Variants in OPA1 observed in about 807,000 individuals in gnomAD.
OPA1 encodes the protein dynamin-like GTPase OPA1, mitochondrial.
OPA1 carries 59 observed loss-of-function variants against 152.9 expected under a neutral mutation model. The observed-to-expected ratio is 0.39, with a 90% CI of 0.31 to 0.48. The LOEUF (loss-of-function observed/expected upper bound fraction) is 0.48. Ranked by LOEUF, OPA1 falls within the 20% of genes least tolerant of loss-of-function variation. The pLI, the probability that OPA1 is intolerant of heterozygous loss-of-function variation, is 0.96. For missense variants in OPA1, 1,008 were observed against 1,216.8 expected, an observed-to-expected ratio of 0.83 and a Z score of 2.55; for synonymous variants, 400 against 389.9, an observed-to-expected ratio of 1.03 and a Z score of -0.31.
chr3:193,650,779 G>A (rs960589478), intron 21 of OPA1, among the ~76,000 whole-genome samples: 4 of 152,102 alleles, frequency 2.6e-5, no homozygotes, highest in African/African-American at 9.7e-5. Flanking sequence ...TTTCAAGAGT[G>A]AATCACTGAC....
chr3:193,692,498 ATATT>A (rs980186588), intron 30 of OPA1, among the ~76,000 whole-genome samples: 5 of 152,194 alleles, frequency 3.3e-5, no homozygotes, highest in Non-Finnish European at 7.3e-5. Context: ...TGTATGTTAA[ATATT>A]TAACTTAGAA....
intron 29 of OPA1, among the ~76,000 whole-genome samples, chr3:193,685,317 T>C (rs1256115230): frequency 2.0e-5 from 3 of 151,714 alleles, no homozygotes; most frequent in Non-Finnish European, 4.4e-5. Flanking sequence ...AAAAAAAAGC[T>C]GAATTTATCA....
chr3:193,675,336 A>C (rs1271479002), intron 29 of OPA1, among the ~76,000 whole-genome samples: 4 of 121,548 alleles, frequency 3.3e-5, no homozygotes, highest in Admixed American at 1.6e-4. Context: ...AGAAAAAAAA[A>C]AAAAAAAAAA....
rs1436377466 is a variant in OPA1, at chr3:193,637,284, A to G, written c.1035+3A>G. ...ATACGCAAGATCATCTGCCACGGGT[A>G]TGTGAAAAATTGATAGTGAACTTGC... is the stretch of plus-strand genomic sequence containing the variant. On this transcript the variant is annotated splice_donor_region_variant and intron_variant, in intron 10 of 30. Coordinates refer to ENST00000361510, the MANE Select transcript of OPA1 (RefSeq NM_130837.3). 1.8e-5 allele frequency: 28 copies of G among 1,594,278 alleles called. No individual in the cohort carries two copies. The highest frequency in any genetic ancestry group is 2.2e-5 in the Non-Finnish European group (26 of 1,163,560).
chr3:193,686,152 C>A (rs910355849), intron 29 of OPA1, among the ~76,000 whole-genome samples: 8 of 152,206 alleles, frequency 5.3e-5, no homozygotes, highest in Admixed American at 4.6e-4. Flanking sequence ...GTTAGAAATA[C>A]AACCACCAGT....
intron 26 of OPA1, 71 bp from the exon 27 acceptor site, chr3:193,664,809 C>A: frequency 1.2e-6 from 1 of 850,350 alleles, no homozygotes. Context: ...AATTTTTGTA[C>A]AACTTCTCAG....
At chr3:193,654,734 C>A in intron 21 of OPA1, 128 bp from the exon 22 acceptor site, 2 of 927,550 alleles carry the variant, frequency 2.2e-6, no homozygotes, top group Middle Eastern at 3.0e-4. Context: ...CAGGTATATA[C>A]ACATGTGAAA....
At chr3:193,677,249 T>C (rs931170281) in intron 29 of OPA1, among the ~76,000 whole-genome samples, 6 of 151,100 alleles carry the variant, frequency 4.0e-5, no homozygotes, top group African/African-American at 1.5e-4. Context: ...ATACTCTTAA[T>C]GTATTCAAAA....
rs11398485 is a variant in OPA1 at position 193,690,190 on chromosome 3, A to ATT, written c.2984-1863_2984-1862dup. ...CTCAACTTCTAGGAGATGGGTTAGG[A>ATT]TTTTTTTTTTTAAGTTTCTCTAGTT... On this transcript the variant is annotated intron_variant, in intron 29 of 30. Transcript: ENST00000361510. 3.6e-3 allele frequency among the ~76,000 whole-genome samples: 544 copies of ATT among 149,606 alleles called. 6 individuals carry two copies. Among genetic ancestry groups the ATT allele is most frequent in the African/African-American group, 0.013 (521 of 40,724 alleles).
At chr3:193,628,640 A>T (rs1181380895) in intron 7 of OPA1, 1 of 152,178 alleles carries the variant, frequency 6.6e-6, no homozygotes, top group Non-Finnish European at 1.5e-5. Flanking sequence ...TTATTTCATG[A>T]TGCAAACAAT....
At chr3:193,594,510 C>T (rs2108762311) in intron 1 of OPA1, among the ~76,000 whole-genome samples, 1 of 152,322 alleles carries the variant, frequency 6.6e-6, no homozygotes, top group East Asian at 1.9e-4. Flanking sequence ...GTCTCCGCCT[C>T]CGGAGTAGCT....
rs201196033 is a variant in OPA1, at chr3:193,665,750, GT to G, written c.2779-538del. 1.9e-3 allele frequency among the ~76,000 whole-genome samples: 282 copies of G among 151,850 alleles called. 1 individual carries two copies. The highest frequency in any genetic ancestry group is 3.4e-3 in the Middle Eastern group (1 of 294). On this transcript the variant is annotated intron_variant, in intron 27 of 30. Coordinates refer to ENST00000361510, the MANE Select transcript of OPA1 (RefSeq NM_130837.3). ...AAATGCACCTAATTAAAAGTGGCAA[GT>G]TTTTTTTGCATAATTTTAATTGTAG...
In OPA1 at chr3:193,614,811, T is replaced by C; in HGVS notation, c.121T>C (p.Tyr41His). Residue 41 changes from tyrosine to histidine, a missense_variant, in exon 2 of 31, where the codon TAT becomes CAT. Transcript: ENST00000361510. ...QKLHLVSRSIYHSHHPTLKLQ... is the reference protein window; with the variant it reads ...QKLHLVSRSIHHSHHPTLKLQ... ...ACTACATCTGGTTTCACGAAGCATTTATCATTCACATCATCCTACCTTAAA... is the reference window on the plus strand; with the variant it reads ...ACTACATCTGGTTTCACGAAGCATTCATCATTCACATCATCCTACCTTAAA... 8 of 1,606,664 alleles carry C rather than the reference T, an allele frequency of 5.0e-6. No homozygotes were observed. The highest frequency in any genetic ancestry group is 1.1e-5 in the South Asian group (1 of 91,084).
intron 11 of OPA1, among the ~76,000 whole-genome samples, chr3:193,640,490 C>T (rs137942403): frequency 1.2e-4 from 19 of 152,146 alleles, no homozygotes; most frequent in Non-Finnish European, 7.4e-5. Flanking sequence ...GAAAGGGGAA[C>T]GTGTGGAAGT....
chr3:193,624,846 C>G (rs1212126353), intron 6 of OPA1, among the ~76,000 whole-genome samples: 3 of 152,070 alleles, frequency 2.0e-5, no homozygotes, highest in Admixed American at 6.6e-5. Context: ...CTTTAAGACA[C>G]TTTCTAATTA....
In OPA1 at chr3:193,606,385, T is replaced by C. The variant is rs529961113; in HGVS notation, c.33-8338T>C. Among the ~76,000 whole-genome samples, 48 of 152,136 alleles carry C rather than the reference T, an allele frequency of 3.2e-4. No homozygotes were observed. In the South Asian group the frequency reaches 9.8e-3, roughly 31 times the overall value. ...GCACCCATTAACTCATCATTTACAT[T>C]AGGTATATCTCCTAATGCTATCCCT... On this transcript the variant is annotated intron_variant, in intron 1 of 30. Coordinates refer to ENST00000361510, the MANE Select transcript of OPA1 (RefSeq NM_130837.3).
intron 1 of OPA1, among the ~76,000 whole-genome samples, 153 bp downstream of exon 1, chr3:193,593,562 A>G (rs900598340): frequency 3.3e-5 from 5 of 152,220 alleles, no homozygotes; most frequent in African/African-American, 1.2e-4. Context: ...CCAGAATGAC[A>G]GGAGCCCTGG....
intron 6 of OPA1, among the ~76,000 whole-genome samples, chr3:193,620,097 C>T (rs1729782585): frequency 6.6e-6 from 1 of 152,092 alleles, no homozygotes; most frequent in Admixed American, 6.5e-5. Flanking sequence ...TAGAAATTAG[C>T]CTAATAGTTG....
At chr3:193,645,675 A>C in intron 17 of OPA1, 50 bp downstream of exon 17, 2 of 1,607,844 alleles carry the variant, frequency 1.2e-6, no homozygotes, top group Non-Finnish European at 1.7e-6. Context: ...TGTTGTTTTC[A>C]AATAATAAAG....
Sources: allele counts gnomAD v4.1 joint callset (sites outside exome capture counted in the v4.1 genomes callset), GRCh38; gene constraint gnomAD v4.1.1; transcripts MANE v1.5; gene names NCBI Gene and HGNC (gene_info 2026-07-23, HGNC 2026-07-21).